IQSEC1: variants seen among roughly 807,000 people sequenced by gnomAD.
IQSEC1 encodes IQ motif and SEC7 domain-containing protein 1.
In IQSEC1, 31 loss-of-function variants were observed where a neutral mutation model predicts 91.0. The ratio of observed to expected loss-of-function variants is 0.34; its 90% CI spans 0.26 to 0.46. IQSEC1 has a LOEUF of 0.46. IQSEC1 is among the 20% of genes least tolerant of loss of function. The probability of loss-of-function intolerance (pLI) is 1.00; values close to 1 mark genes in which losing one functional copy is unlikely to be tolerated. For missense variants in IQSEC1, 1,388 were observed against 1,575.6 expected (o/e 0.88, Z 2.02); for synonymous variants, 699 against 662.6 (o/e 1.05, Z -0.84).
intron 1 of IQSEC1, among the ~76,000 whole-genome samples, chr3:13,224,636 C>A (rs575349202): frequency 2.6e-5 from 4 of 152,054 alleles, no homozygotes; most frequent in Non-Finnish European, 5.9e-5. Context: ...ACAGGCCTGA[C>A]CTAGGCCACC....
intron 1 of IQSEC1, among the ~76,000 whole-genome samples, chr3:13,030,697 C>T (rs1258626133): frequency 1.3e-5 from 2 of 152,228 alleles, no homozygotes; most frequent in African/African-American, 2.4e-5. Flanking sequence ...TTACGAGACA[C>T]GTGCACTGTG....
chr3:12,974,655 C>T (rs906588144), intron 1 of IQSEC1, among the ~76,000 whole-genome samples: 1 of 152,248 alleles, frequency 6.6e-6, no homozygotes, highest in Non-Finnish European at 1.5e-5. Context: ...GCTGCTGCCT[C>T]TATCGGTAGA....
At position 12,967,290 on chromosome 3, in the gene IQSEC1, G is replaced by A; in HGVS notation, c.24-25425C>T. 2.7e-6 allele frequency: 3 copies of A among 1,093,396 alleles called. No individual in the cohort carries two copies. Among genetic ancestry groups the A allele is most frequent in the Non-Finnish European group, 3.8e-6 (3 of 791,094 alleles). The allele number at this position is 1,093,396 out of a possible 1,614,324, so 67.7% of individuals were successfully genotyped here. On this transcript the variant is annotated intron_variant, in intron 1 of 13. Coordinates refer to ENST00000613206, the MANE Select transcript of IQSEC1 (RefSeq NM_001134382.3). This position sits in a 1 kb window ranked among gnomAD's most constrained non-coding sequence, Gnocchi z 5.9. ...TCTCGCACGCCGGGCGCCCGGTCCC[G>A]ACGGTCACCCGCACTCCCGCACAGG...
chr3:13,069,424 C>A (rs1366799675), intron 1 of IQSEC1, among the ~76,000 whole-genome samples: 1 of 152,300 alleles, frequency 6.6e-6, no homozygotes, highest in East Asian at 1.9e-4. Context: ...CAGGCCCAGT[C>A]CCACCAGTGT....
At chr3:12,952,194 C>T (rs1238516510) in intron 1 of IQSEC1, among the ~76,000 whole-genome samples, 2 of 152,126 alleles carry the variant, frequency 1.3e-5, no homozygotes, top group East Asian at 1.9e-4. Context: ...CAGAGGAACC[C>T]AAGAAACCGG....
At chr3:13,198,777 A>G (rs12638472) in intron 1 of IQSEC1, among the ~76,000 whole-genome samples, 15,396 of 152,178 alleles carry the variant, frequency 0.1, 1,623 homozygotes, top group East Asian at 0.3. Flanking sequence ...AGCACCCAAC[A>G]CAGCAAGGCA....
chr3:13,023,831 C>T (rs183669869), intron 1 of IQSEC1, among the ~76,000 whole-genome samples: 31 of 152,328 alleles, frequency 2.0e-4, no homozygotes, highest in Non-Finnish European at 3.7e-4. Flanking sequence ...TCAGAGGAGG[C>T]TTCACAAGCC....
intron 1 of IQSEC1, among the ~76,000 whole-genome samples, chr3:13,038,651 A>G (rs1704137037): frequency 6.6e-6 from 1 of 152,114 alleles, no homozygotes; most frequent in Non-Finnish European, 1.5e-5. Context: ...TAATTGAAAG[A>G]GTATAATTGG....
intron 1 of IQSEC1, among the ~76,000 whole-genome samples, chr3:13,184,336 T>G (rs1347422886): frequency 1.3e-5 from 2 of 152,146 alleles, no homozygotes; most frequent in Non-Finnish European, 2.9e-5. Context: ...ATTGACCATA[T>G]CCACAAACTA....
At chr3:12,920,739 C>CCAACT in intron 5 of IQSEC1, 143 bp from the exon 6 acceptor site, 1 of 854,168 alleles carries the variant, frequency 1.2e-6, no homozygotes, top group Non-Finnish European at 1.8e-6. Flanking sequence ...TCGGAGTTGG[C>CCAACT]CCTGACTACT....
At chr3:12,987,765 A>G (rs1701811297) in intron 1 of IQSEC1, among the ~76,000 whole-genome samples, 1 of 152,248 alleles carries the variant, frequency 6.6e-6, no homozygotes, top group African/African-American at 2.4e-5. Context: ...AAGACAGCCC[A>G]AGATGGGTGA....
intron 1 of IQSEC1, among the ~76,000 whole-genome samples, chr3:13,233,827 A>G (rs902227288): frequency 5.3e-5 from 8 of 152,118 alleles, no homozygotes; most frequent in Admixed American, 4.6e-4. Flanking sequence ...CCCTGCTCAC[A>G]TGTGGTATGG....
intron 2 of IQSEC1, among the ~76,000 whole-genome samples, chr3:13,147,203 G>C (rs1000332179): frequency 1.3e-5 from 2 of 152,150 alleles, no homozygotes; most frequent in Non-Finnish European, 2.9e-5. Flanking sequence ...GTGTACAAGC[G>C]GTTTTTGGTT....
At chr3:13,104,104 C>G (rs74433162) in intron 2 of IQSEC1, among the ~76,000 whole-genome samples, 7,450 of 152,232 alleles carry the variant, frequency 0.049, 291 homozygotes, top group East Asian at 0.18. Context: ...TCGCCCCACT[C>G]TTCCTTACCT....
chr3:13,231,904 G>A (rs946664970), intron 1 of IQSEC1, among the ~76,000 whole-genome samples: 1 of 152,202 alleles, frequency 6.6e-6, no homozygotes, highest in South Asian at 2.1e-4. Context: ...CTGAGCTGCT[G>A]ACATCTGCTC....
At chr3:13,264,873 CCTCTCTCTGT>C (rs1227128789) in intron 1 of IQSEC1, among the ~76,000 whole-genome samples, 2 of 151,656 alleles carry the variant, frequency 1.3e-5, no homozygotes, top group African/African-American at 2.4e-5. Flanking sequence ...TATCTCTGTC[CCTCTCTCTGT>C]CTCTCTCTGT....
intron 2 of IQSEC1, among the ~76,000 whole-genome samples, chr3:13,134,860 G>A (rs1706681491): frequency 6.6e-6 from 1 of 152,182 alleles, no homozygotes; most frequent in African/African-American, 2.4e-5. Context: ...CTCAGAACCT[G>A]GGAGGGTGTC....
At chr3:13,047,436 A>G in intron 1 of IQSEC1, 1 of 974,292 alleles carries the variant, frequency 1.0e-6, no homozygotes, top group Non-Finnish European at 1.2e-6. Context: ...TGAGGACCTA[A>G]GGAGATCCTG....
intron 2 of IQSEC1, among the ~76,000 whole-genome samples, chr3:13,131,669 T>A (rs1706623876): frequency 6.6e-6 from 1 of 152,018 alleles, no homozygotes; most frequent in African/African-American, 2.4e-5. Flanking sequence ...GTATTTTTAG[T>A]AGAGACATGG....
Sources: allele counts gnomAD v4.1 joint callset (sites outside exome capture counted in the v4.1 genomes callset), GRCh38; gene constraint gnomAD v4.1.1; non-coding constraint Gnocchi (gnomAD v3.1); transcripts MANE v1.5; gene names NCBI Gene and HGNC (gene_info 2026-07-23, HGNC 2026-07-21).